Variants in GDAP1 observed in about 807,000 individuals in gnomAD.
GDAP1 encodes the protein ganglioside-induced differentiation-associated protein 1.
A neutral mutation model predicts 40.1 loss-of-function variants in GDAP1; 34 were observed. The ratio of observed to expected loss-of-function variants is 0.85; its 90% CI spans 0.64 to 1.13. The LOEUF is 1.13. Among genes scored for constraint, GDAP1 ranks in the 50% most tolerant of loss-of-function variants. GDAP1 has a pLI of 0.00. For synonymous variants in GDAP1, 170 were observed against 157.4 expected (o/e 1.08, Z -0.60); for missense variants, 374 against 433.7 (o/e 0.86, Z 1.22).
At chr8:74,467,312 A>G (rs900544917) in intron 2 of GDAP1, among the ~76,000 whole-genome samples, 1 of 152,204 alleles carries the variant, frequency 6.6e-6, no homozygotes, top group Admixed American at 6.5e-5. Context: ...GTCATGAATT[A>G]AAGTGAGAAC....
Position 74,365,987 on chromosome 8 carries a change from T to C in GDAP1, c.*1620T>C. On this transcript the variant is annotated 3_prime_UTR_variant, in exon 6 of 6. Transcript: ENST00000220822. ...GTTCATAGTGTTTGAGTTCTTTATG[T>C]CACTCTGTTAGAAACAAGAACTGAG... 2.2e-6 allele frequency: 1 copy of C among 451,928 alleles called. No homozygotes were observed. Among genetic ancestry groups the C allele is most frequent in the South Asian group, 1.6e-5 (1 of 63,424 alleles). The allele number at this position is 451,928 out of a possible 1,614,324, so 28.0% of individuals were successfully genotyped here.
intron 2 of GDAP1, among the ~76,000 whole-genome samples, chr8:74,375,565 A>C (rs940359398): frequency 7.2e-5 from 11 of 152,208 alleles, no homozygotes; most frequent in African/African-American, 2.7e-4. Context: ...GCAGAAAAAG[A>C]TTTGATAAAA....
chr8:74,368,455 A>G (rs977173517), downstream of GDAP1, among the ~76,000 whole-genome samples: 1 of 152,240 alleles, frequency 6.6e-6, no homozygotes, highest in Non-Finnish European at 1.5e-5. Flanking sequence ...CATTACAAAA[A>G]TGATATGAAC....
chr8:74,441,297 A>G (rs929399552), intron 2 of GDAP1, among the ~76,000 whole-genome samples: 2 of 152,144 alleles, frequency 1.3e-5, no homozygotes, highest in Non-Finnish European at 1.5e-5. Context: ...CAGATTTATG[A>G]TAACACAGTT....
chr8:74,366,120 A>G lies in GDAP1; in HGVS notation c.*1753A>G. On this transcript the variant is annotated 3_prime_UTR_variant, in exon 6 of 6. Transcript: ENST00000220822. ...GAAGTCCATGGTTAACTTTTCCTTC[A>G]ATTTATATTATTCCTGAATCATAGG... 1 of 444,824 alleles carries G rather than the reference A, an allele frequency of 2.2e-6. No homozygotes were observed. The highest frequency in any genetic ancestry group is 4.5e-6 in the Non-Finnish European group (1 of 224,270). The allele number at this position is 444,824 out of a possible 1,614,324, so 27.6% of individuals were successfully genotyped here.
chr8:74,379,890 T>C (rs1381340748), intron 2 of GDAP1, among the ~76,000 whole-genome samples: 3 of 152,194 alleles, frequency 2.0e-5, no homozygotes, highest in African/African-American at 4.8e-5. Flanking sequence ...AAGTGATCTA[T>C]ATGCATGCAG....
intron 2 of GDAP1, among the ~76,000 whole-genome samples, chr8:74,475,860 T>C (rs1806622418): frequency 6.6e-6 from 1 of 152,244 alleles, no homozygotes; most frequent in African/African-American, 2.4e-5. Flanking sequence ...CTCAATGATC[T>C]GTCTAATACT....
intron 2 of GDAP1, among the ~76,000 whole-genome samples, chr8:74,359,391 G>A (rs1248046421): frequency 7.9e-5 from 12 of 152,202 alleles, no homozygotes; most frequent in Admixed American, 7.8e-4. Context: ...CATGGTCCCT[G>A]CCCTCAAGGA....
intron 2 of GDAP1, among the ~76,000 whole-genome samples, chr8:74,424,352 A>G (rs2131561347): frequency 6.6e-6 from 1 of 152,266 alleles, no homozygotes; most frequent in Non-Finnish European, 1.5e-5. Flanking sequence ...GGCTGATTGT[A>G]TATACCTCCG....
At chr8:74,482,811 G>A (rs1806728785) in intron 2 of GDAP1, among the ~76,000 whole-genome samples, 1 of 152,162 alleles carries the variant, frequency 6.6e-6, no homozygotes, top group South Asian at 2.1e-4. Context: ...GAAATGATGT[G>A]ATTTTCATTA....
chr8:74,438,275 C>A, intron 2 of GDAP1, among the ~76,000 whole-genome samples: 1 of 151,812 alleles, frequency 6.6e-6, no homozygotes, highest in South Asian at 2.1e-4. Context: ...TCTCAAAAAA[C>A]AAAAAACAAC....
chr8:74,410,624 A>T (rs903699605), intron 2 of GDAP1, among the ~76,000 whole-genome samples: 1 of 150,138 alleles, frequency 6.7e-6, no homozygotes, highest in African/African-American at 2.5e-5. Context: ...ACAACATCAT[A>T]GTTACTGGTT....
chr8:74,447,900 C>T (rs1286508896), intron 2 of GDAP1, among the ~76,000 whole-genome samples: 1 of 152,118 alleles, frequency 6.6e-6, no homozygotes, highest in Non-Finnish European at 1.5e-5. Flanking sequence ...AGACTTGGGT[C>T]CCATCCCCAA....
At chr8:74,434,523 A>G (rs1327150184) in intron 2 of GDAP1, among the ~76,000 whole-genome samples, 3 of 152,196 alleles carry the variant, frequency 2.0e-5, no homozygotes, top group African/African-American at 7.2e-5. Context: ...TCCCAGAGTG[A>G]GATGAGTATC....
intron 2 of GDAP1, among the ~76,000 whole-genome samples, chr8:74,428,852 A>C (rs927888616): frequency 1.4e-5 from 2 of 146,078 alleles, no homozygotes; most frequent in Non-Finnish European, 3.0e-5. Flanking sequence ...TCCTAATGCT[A>C]TCCCTCCCCG....
chr8:74,368,869 A>G (rs1028013970), downstream of GDAP1, among the ~76,000 whole-genome samples: 7 of 152,186 alleles, frequency 4.6e-5, no homozygotes, highest in Non-Finnish European at 1.0e-4. Context: ...AAATGCCTGT[A>G]GTGCTCCCCA....
intron 2 of GDAP1, among the ~76,000 whole-genome samples, chr8:74,429,786 G>C (rs1330211720): frequency 6.6e-6 from 1 of 152,096 alleles, no homozygotes; most frequent in African/African-American, 2.4e-5. Context: ...ATGCAATTCA[G>C]CCCATAGCAT....
rs763427538 is a variant in GDAP1, at chr8:74,360,231, C to T, written c.405C>T (p.Ala135=). The T allele has an allele frequency of 1.2e-6, 2 of 1,612,890 alleles. No homozygotes were observed. The highest frequency in any genetic ancestry group is 1.7e-6 in the Non-Finnish European group (2 of 1,178,928). The part of the protein sequence containing the change: ...RELLDSLPMD[A]YTHGCILHPE... Reference sequence around the variant, plus strand: ...TGCTTGACTCCTTGCCAATGGATGCCTATACACATGGCTGCATTTTACATC... The same window carrying T: ...TGCTTGACTCCTTGCCAATGGATGCTTATACACATGGCTGCATTTTACATC... The change falls in exon 3 of 6, where the codon GCC becomes GCT. Residue 135 remains alanine, a synonymous_variant. Transcript: ENST00000220822.
intron 2 of GDAP1, among the ~76,000 whole-genome samples, chr8:74,418,501 T>C (rs920322241): frequency 1.3e-5 from 2 of 152,222 alleles, no homozygotes; most frequent in Admixed American, 1.3e-4. Flanking sequence ...AACCTCAACC[T>C]AAATCTAATG....
Sources: gnomAD v4.1 joint callset for allele counts (sites outside exome capture counted in the v4.1 genomes callset) on GRCh38, gnomAD v4.1.1 for gene constraint, MANE v1.5 for transcripts, NCBI Gene and HGNC (gene_info 2026-07-23, HGNC 2026-07-21) for gene names.